NFIB: variants seen among roughly 807,000 people sequenced by gnomAD.
NFIB encodes the protein nuclear factor I B.
A neutral mutation model predicts 61.5 loss-of-function variants in NFIB; 11 were observed. The ratio of observed to expected loss-of-function variants is 0.18; its 90% CI spans 0.11 to 0.30. NFIB has a LOEUF of 0.30. Ranked by LOEUF, NFIB falls within the 10% of genes least tolerant of loss-of-function variation. NFIB has a pLI of 1.00. For missense variants in NFIB, 471 were observed against 608.9 expected, an observed-to-expected ratio of 0.77 and a Z score of 2.38; for synonymous variants, 260 against 216.5, an observed-to-expected ratio of 1.20 and a Z score of -1.76.
rs1003149610 is a variant in NFIB, at chr9:14,263,305, G to A, written c.562+43684C>T. Among the ~76,000 whole-genome samples the A allele has an allele frequency of 6.0e-5, 9 of 149,598 alleles. No homozygotes were observed. In the South Asian group the frequency reaches 8.4e-4, roughly 14 times the overall value. ...ATTTTTTTTTTTTCATAAAAGCTACGAACTCAAGGATGTTCATGAAGAAAT... is the reference window on the plus strand; with the variant it reads ...ATTTTTTTTTTTTCATAAAAGCTACAAACTCAAGGATGTTCATGAAGAAAT... On this transcript the variant is annotated intron_variant, in intron 2 of 10. Transcript: ENST00000380953.
At chr9:14,450,635 T>A in the NFIB span, among the ~76,000 whole-genome samples, 1 of 152,152 alleles carries the variant, frequency 6.6e-6, no homozygotes, top group African/African-American at 2.4e-5. Context: ...TTAAATCAGA[T>A]GTTACAGCAC....
At chr9:14,375,905 C>T (rs923918434) in intron 1 of NFIB, among the ~76,000 whole-genome samples, 6 of 152,194 alleles carry the variant, frequency 3.9e-5, no homozygotes, top group East Asian at 1.9e-4. Flanking sequence ...TCATCCAAGG[C>T]TTATTCACTG....
intron 6 of NFIB, among the ~76,000 whole-genome samples, chr9:14,134,975 C>G (rs372984699): frequency 3.5e-5 from 5 of 141,466 alleles, no homozygotes; most frequent in African/African-American, 1.3e-4. Context: ...AAAAAACTTA[C>G]AAAATAGCAT....
chr9:14,210,645 T>C (rs981323242), intron 2 of NFIB, among the ~76,000 whole-genome samples: 1 of 152,000 alleles, frequency 6.6e-6, no homozygotes, highest in African/African-American at 2.4e-5. Context: ...AAACCACAAA[T>C]TGGTTACAAT....
At chr9:14,374,231 A>G (rs2061391241) in intron 1 of NFIB, among the ~76,000 whole-genome samples, 1 of 152,036 alleles carries the variant, frequency 6.6e-6, no homozygotes, top group Non-Finnish European at 1.5e-5. Flanking sequence ...TTTTTAAATT[A>G]TTTTCTTTTA....
At chr9:14,359,393 A>G (rs1414392932) in intron 1 of NFIB, among the ~76,000 whole-genome samples, 1 of 152,240 alleles carries the variant, frequency 6.6e-6, no homozygotes, top group Non-Finnish European at 1.5e-5. Context: ...AAGAGACATA[A>G]AGATAAGATG....
chr9:14,507,621 G>A, the NFIB span, among the ~76,000 whole-genome samples: 224 of 152,252 alleles, frequency 1.5e-3, no homozygotes, highest in African/African-American at 5.2e-3. Flanking sequence ...TCCAACAAAA[G>A]ACCATTCTTG....
chr9:14,170,275 A>C (rs2045419460), intron 3 of NFIB, among the ~76,000 whole-genome samples: 2 of 152,318 alleles, frequency 1.3e-5, no homozygotes, highest in East Asian at 3.9e-4. Flanking sequence ...ATGTGGCAAA[A>C]GCAGATCTTG....
chr9:14,336,442 C>A (rs570959179), intron 1 of NFIB, among the ~76,000 whole-genome samples: 2 of 152,212 alleles, frequency 1.3e-5, no homozygotes, highest in African/African-American at 4.8e-5. Context: ...ACCTCATGGG[C>A]CTGGGGAAAC....
intron 1 of NFIB, among the ~76,000 whole-genome samples, chr9:14,395,726 C>CTTTTT (rs35417792): frequency 3.0e-5 from 2 of 65,726 alleles, no homozygotes; most frequent in Non-Finnish European, 6.0e-5. Context: ...ATTCTTTTGA[C>CTTTTT]TTTTTTTTTT....
At chr9:14,226,816 C>T (rs986193851) in intron 2 of NFIB, among the ~76,000 whole-genome samples, 4 of 151,982 alleles carry the variant, frequency 2.6e-5, no homozygotes, top group African/African-American at 7.2e-5. Context: ...TTATCATAAA[C>T]TCACATGGGT....
At chr9:14,195,765 T>C (rs1003235824) in intron 2 of NFIB, among the ~76,000 whole-genome samples, 3 of 152,194 alleles carry the variant, frequency 2.0e-5, no homozygotes, top group African/African-American at 7.2e-5. Context: ...AGCAGGAATC[T>C]TTTATGGCAT....
the NFIB span, among the ~76,000 whole-genome samples, chr9:14,515,800 G>A: frequency 6.6e-6 from 1 of 152,174 alleles, no homozygotes; most frequent in Admixed American, 6.5e-5. Context: ...GCCTCTAGAC[G>A]ATGCCAAAGC....
the NFIB span, among the ~76,000 whole-genome samples, chr9:14,486,777 G>A: frequency 6.6e-6 from 1 of 152,224 alleles, no homozygotes; most frequent in South Asian, 2.1e-4. Context: ...GGGGTATATA[G>A]CATGGTGGGG....
At chr9:14,393,621 T>A (rs567664663) in intron 1 of NFIB, among the ~76,000 whole-genome samples, 2 of 152,310 alleles carry the variant, frequency 1.3e-5, no homozygotes, top group South Asian at 4.1e-4. Flanking sequence ...ATTGAAGTGA[T>A]GCTAATTTGA....
intron 2 of NFIB, among the ~76,000 whole-genome samples, chr9:14,234,795 T>C (rs565009830): frequency 4.4e-5 from 5 of 113,724 alleles, no homozygotes; most frequent in East Asian, 3.0e-4. Context: ...TCGTTGAAAT[T>C]TTTTTTTTGG....
At chr9:14,092,936 G>C (rs1310824682) in intron 10 of NFIB, among the ~76,000 whole-genome samples, 1 of 151,990 alleles carries the variant, frequency 6.6e-6, no homozygotes, top group East Asian at 1.9e-4. Context: ...TTCAGTGAAA[G>C]AAAGGCAGAA....
At chr9:14,306,270 T>G (rs886451707) in intron 2 of NFIB, among the ~76,000 whole-genome samples, 1 of 152,138 alleles carries the variant, frequency 6.6e-6, no homozygotes, top group African/African-American at 2.4e-5. Flanking sequence ...CTCGGTAAGT[T>G]TTATGAATTT....
the NFIB span, among the ~76,000 whole-genome samples, chr9:14,489,081 A>G: frequency 3.0e-4 from 45 of 152,264 alleles, no homozygotes; most frequent in African/African-American, 1.1e-3. Context: ...CATAAAGTTC[A>G]TCTTTCCTCC....
Sources: allele counts gnomAD v4.1 joint callset (sites outside exome capture counted in the v4.1 genomes callset), GRCh38; gene constraint gnomAD v4.1.1; transcripts MANE v1.5; gene names NCBI Gene and HGNC (gene_info 2026-07-23, HGNC 2026-07-21).